MGST2: variants seen among roughly 807,000 people sequenced by gnomAD.
MGST2 encodes glutathione peroxidase MGST2.
Under a neutral mutation model 16.6 loss-of-function variants are expected in MGST2, and 9 were observed. The ratio of observed to expected loss-of-function variants is 0.54; its 90% CI spans 0.33 to 0.95. MGST2 has a LOEUF of 0.95. MGST2 is among the 40% of genes least tolerant of loss of function. The pLI is 0.03. For missense variants in MGST2, 159 were observed against 175.1 expected, an observed-to-expected ratio of 0.91 and a Z score of 0.52; for synonymous variants, 79 against 68.0, an observed-to-expected ratio of 1.16 and a Z score of -0.79.
chr4:139,748,634 G>C, the MGST2 span, among the ~76,000 whole-genome samples: 1 of 141,670 alleles, frequency 7.1e-6, no homozygotes, highest in African/African-American at 2.6e-5. Context: ...ATGAGGTTCA[G>C]CTTGACCACA....
intron 3 of MGST2, among the ~76,000 whole-genome samples, chr4:139,697,045 C>T (rs1402060556): frequency 6.6e-6 from 1 of 152,104 alleles, no homozygotes; most frequent in Non-Finnish European, 1.5e-5. Flanking sequence ...CCCGTCCTGA[C>T]TTCAGGGACA....
intron 2 of MGST2, 176 bp downstream of exon 2, chr4:139,678,818 G>A: frequency 1.5e-6 from 1 of 654,188 alleles, no homozygotes; most frequent in Non-Finnish European, 2.8e-6. Context: ...AAGGGTTCGG[G>A]GCATGAAGTC....
At chr4:139,738,891 A>G (rs1227692998) in intron 5 of MGST2, among the ~76,000 whole-genome samples, 2 of 152,236 alleles carry the variant, frequency 1.3e-5, no homozygotes, top group Non-Finnish European at 2.9e-5. Context: ...TGGTATATAC[A>G]CAATTACACA....
At chr4:139,719,221 G>C in intron 5 of MGST2, 1 of 1,378,398 alleles carries the variant, frequency 7.3e-7, no homozygotes, top group South Asian at 1.5e-5. Context: ...CTCAGTTTAC[G>C]TGGGTCAAAA....
At chr4:139,747,851 C>G in the MGST2 span, among the ~76,000 whole-genome samples, 1 of 151,692 alleles carries the variant, frequency 6.6e-6, no homozygotes, top group South Asian at 2.1e-4. Context: ...GTTAGGAGTT[C>G]GACACAAGCC....
intron 5 of MGST2, among the ~76,000 whole-genome samples, chr4:139,710,535 C>G (rs1727697258): frequency 6.6e-6 from 1 of 152,094 alleles, no homozygotes; most frequent in South Asian, 2.1e-4. Flanking sequence ...GTCAGCGTCC[C>G]CCTGTGCCCT....
At chr4:139,714,327 AT>A (rs757246550) in intron 5 of MGST2, among the ~76,000 whole-genome samples, 9 of 152,274 alleles carry the variant, frequency 5.9e-5, no homozygotes, top group South Asian at 2.1e-4. Flanking sequence ...ATAAACACTG[AT>A]TTTTTCCCCC....
At chr4:139,667,662 A>T (rs1429736537) in intron 1 of MGST2, among the ~76,000 whole-genome samples, 4 of 152,166 alleles carry the variant, frequency 2.6e-5, no homozygotes, top group African/African-American at 9.6e-5. Flanking sequence ...GATCGAGACC[A>T]TCCTGGCCAA....
intron 1 of MGST2, among the ~76,000 whole-genome samples, chr4:139,674,679 G>C (rs1730875086): frequency 6.6e-6 from 1 of 152,124 alleles, no homozygotes; most frequent in African/African-American, 2.4e-5. Flanking sequence ...TACTCAGGAG[G>C]TTGAGGCAGG....
chr4:139,746,607 C>T, the MGST2 span, among the ~76,000 whole-genome samples: 2 of 152,288 alleles, frequency 1.3e-5, no homozygotes, highest in East Asian at 3.9e-4. Flanking sequence ...CTCTCTCGCT[C>T]TGCGGGCCCC....
chr4:139,720,176 T>G, intron 5 of MGST2: 1 of 1,614,046 alleles, frequency 6.2e-7, no homozygotes, highest in Non-Finnish European at 8.5e-7. Flanking sequence ...CAGTCCCATC[T>G]CCGACTGCGC....
the MGST2 span, among the ~76,000 whole-genome samples, chr4:139,748,814 C>T: frequency 6.6e-6 from 1 of 152,224 alleles, no homozygotes; most frequent in Non-Finnish European, 1.5e-5. Flanking sequence ...AAGAAGGTCT[C>T]AGCCTGACCA....
chr4:139,694,490 A>G (rs1375063050), intron 2 of MGST2, among the ~76,000 whole-genome samples: 1 of 152,112 alleles, frequency 6.6e-6, no homozygotes, highest in Non-Finnish European at 1.5e-5. Flanking sequence ...CTTAGGAGGG[A>G]GGATGAATAT....
At chr4:139,728,759 T>C (rs1241666812) in intron 5 of MGST2, among the ~76,000 whole-genome samples, 1 of 152,156 alleles carries the variant, frequency 6.6e-6, no homozygotes, top group Non-Finnish European at 1.5e-5. Context: ...GGGGGCATCA[T>C]CTTGACGTGT....
intron 5 of MGST2, among the ~76,000 whole-genome samples, chr4:139,733,037 G>A (rs972584454): frequency 6.6e-6 from 1 of 152,166 alleles, no homozygotes; most frequent in African/African-American, 2.4e-5. Context: ...ATATTTCAGG[G>A]TCTTCCCTTT....
chr4:139,723,165 G>A (rs1728318602), intron 5 of MGST2, among the ~76,000 whole-genome samples: 1 of 152,222 alleles, frequency 6.6e-6, no homozygotes, highest in Admixed American at 6.5e-5. Context: ...ATCAGGATCT[G>A]TTAAGTGGAA....
intron 5 of MGST2, among the ~76,000 whole-genome samples, chr4:139,728,736 C>T (rs1309545613): frequency 6.6e-6 from 1 of 152,162 alleles, no homozygotes; most frequent in Non-Finnish European, 1.5e-5. Context: ...CCTGACCTCT[C>T]ACCTCCTTGT....
the MGST2 span, among the ~76,000 whole-genome samples, chr4:139,748,477 C>T: frequency 6.6e-5 from 10 of 152,114 alleles, no homozygotes; most frequent in Non-Finnish European, 1.2e-4. Flanking sequence ...AAACGTACAA[C>T]AAGGGGGAGA....
At chr4:139,745,467 G>A (rs116026036), downstream of MGST2, among the ~76,000 whole-genome samples, 7 of 152,180 alleles carry the variant, frequency 4.6e-5, no homozygotes, top group Non-Finnish European at 1.0e-4. Context: ...GTGAGGGGAA[G>A]CTGGCTGAGA....
Sources: allele counts gnomAD v4.1 joint callset (sites outside exome capture counted in the v4.1 genomes callset), GRCh38; gene constraint gnomAD v4.1.1; transcripts MANE v1.5; gene names NCBI Gene and HGNC (gene_info 2026-07-23, HGNC 2026-07-21).